Variants in TBCK observed in about 807,000 individuals in gnomAD.
TBCK encodes the protein TBC1 domain containing kinase.
In TBCK, 99 loss-of-function variants were observed where a neutral mutation model predicts 113.4. The observed-to-expected ratio is 0.87, with a 90% confidence interval of 0.74 to 1.03. The LOEUF (loss-of-function observed/expected upper bound fraction) is 1.03. Among genes scored for constraint, TBCK ranks in the 50% least tolerant of loss-of-function variants. The pLI is 0.00. For synonymous variants in TBCK, 369 were observed against 370.8 expected (o/e 1.00, Z 0.05); for missense variants, 1,045 against 1,061.3 (o/e 0.98, Z 0.21).
intron 3 of TBCK, among the ~76,000 whole-genome samples, chr4:106,274,154 A>G (rs1763780158): frequency 6.6e-6 from 1 of 152,236 alleles, no homozygotes; most frequent in African/African-American, 2.4e-5. Flanking sequence ...ACAGTGAGAT[A>G]CTACTTCATA....
rs1759337270 is a variant in TBCK, at chr4:106,235,368, C to T, written c.1351-1G>A. 1 of 1,586,774 alleles carries T rather than the reference C, an allele frequency of 6.3e-7. No individual in the cohort carries two copies. The highest frequency in any genetic ancestry group is 8.6e-7 in the Non-Finnish European group (1 of 1,164,556). ...TTTGGTTTTTTTTATATGGATAAGC[C>T]TATGATATCAAAAAAGAAATGAAAA... On this transcript the variant is annotated splice_acceptor_variant, in intron 14 of 25. Transcript: ENST00000394708. LOFTEE classifies it high-confidence loss of function.
At chr4:106,249,868 A>C (rs969208192) in intron 7 of TBCK, among the ~76,000 whole-genome samples, 2 of 152,102 alleles carry the variant, frequency 1.3e-5, no homozygotes, top group African/African-American at 4.8e-5. Flanking sequence ...CTTTTGCATA[A>C]AGTGTTCTAT....
intron 22 of TBCK, among the ~76,000 whole-genome samples, chr4:106,188,094 G>A (rs1002864148): frequency 1.3e-5 from 2 of 152,138 alleles, no homozygotes; most frequent in African/African-American, 2.4e-5. Context: ...TGTGGAATAG[G>A]AGTGGTGAGA....
At chr4:106,115,413 A>T (rs946142335) in intron 24 of TBCK, among the ~76,000 whole-genome samples, 4 of 152,220 alleles carry the variant, frequency 2.6e-5, no homozygotes, top group African/African-American at 9.6e-5. Context: ...CAATTTTAGC[A>T]TATAAGAAAC....
chr4:106,249,695 G>A (rs1232303941), intron 7 of TBCK, among the ~76,000 whole-genome samples: 1 of 152,108 alleles, frequency 6.6e-6, no homozygotes, highest in Non-Finnish European at 1.5e-5. Flanking sequence ...AATCTCCAAG[G>A]CTTCTTAATA....
At chr4:106,292,645 T>A (rs910146226) in intron 3 of TBCK, among the ~76,000 whole-genome samples, 8 of 151,752 alleles carry the variant, frequency 5.3e-5, no homozygotes, top group Non-Finnish European at 8.8e-5. Context: ...ACACAGAGCA[T>A]ACACGTCTTC....
At chr4:106,146,988 C>T (rs1434284981) in intron 23 of TBCK, among the ~76,000 whole-genome samples, 2 of 152,158 alleles carry the variant, frequency 1.3e-5, no homozygotes, top group African/African-American at 4.8e-5. Context: ...GAGTAGATTC[C>T]ATTCTAAGAA....
At chr4:106,158,793 T>A (rs1749411448) in intron 23 of TBCK, among the ~76,000 whole-genome samples, 1 of 152,292 alleles carries the variant, frequency 6.6e-6, no homozygotes, top group East Asian at 1.9e-4. Context: ...TAACTCATTG[T>A]GTAAGCCCAG....
intron 23 of TBCK, among the ~76,000 whole-genome samples, chr4:106,147,559 A>G (rs983076813): frequency 7.9e-5 from 12 of 152,274 alleles, no homozygotes; most frequent in African/African-American, 2.9e-4. Flanking sequence ...CTTTACTGCA[A>G]TCTCTAAACA....
intron 20 of TBCK, among the ~76,000 whole-genome samples, chr4:106,195,687 A>G (rs1297711837): frequency 6.6e-6 from 1 of 151,958 alleles, no homozygotes; most frequent in Non-Finnish European, 1.5e-5. Context: ...GGAACATTTC[A>G]TCTAATCTTC....
intron 19 of TBCK, among the ~76,000 whole-genome samples, chr4:106,217,210 A>T (rs1437665614): frequency 3.3e-5 from 5 of 152,164 alleles, no homozygotes; most frequent in African/African-American, 1.2e-4. Flanking sequence ...TATTGATGGG[A>T]CATACTTCAA....
At chr4:106,132,711 A>C (rs1005181859) in intron 23 of TBCK, among the ~76,000 whole-genome samples, 5 of 152,226 alleles carry the variant, frequency 3.3e-5, no homozygotes, top group Non-Finnish European at 7.3e-5. Flanking sequence ...TGTACCCTAC[A>C]ATGCCAGAGG....
rs141446571 is a variant in TBCK at position 106,222,478 on chromosome 4, C to T, written c.1774+7885G>A. 9.2e-4 allele frequency among the ~76,000 whole-genome samples: 140 copies of T among 152,164 alleles called. 1 individual carries two copies. Among genetic ancestry groups the T allele is most frequent in the Admixed American group, 8.6e-3 (131 of 15,276 alleles). On this transcript the variant is annotated intron_variant, in intron 19 of 25. Transcript: ENST00000394708. ...CCTACATATAGGTATCCTTATTTTT[C>T]CCTTCCGAAAAGTTTTTCAGCTTTG...
chr4:106,086,129 C>G (rs1252830789), intron 25 of TBCK, among the ~76,000 whole-genome samples: 1 of 147,914 alleles, frequency 6.8e-6, no homozygotes, highest in Non-Finnish European at 1.5e-5. Context: ...ATGAAAAACC[C>G]TCCAAAAAAA....
intron 25 of TBCK, among the ~76,000 whole-genome samples, chr4:106,056,126 T>A (rs1486605646): frequency 2.0e-5 from 3 of 151,360 alleles, no homozygotes; most frequent in African/African-American, 7.3e-5. Flanking sequence ...TGATGTACCA[T>A]TAGCACTTCA....
At chr4:106,176,252 T>C (rs1318725676) in intron 22 of TBCK, among the ~76,000 whole-genome samples, 1 of 152,112 alleles carries the variant, frequency 6.6e-6, no homozygotes, top group South Asian at 2.1e-4. Context: ...GTGCTGTCTA[T>C]TGAACAACAG....
At position 106,235,251 on chromosome 4, in the gene TBCK, C is replaced by T; in HGVS notation, c.1449+18G>A. ...TTTGCATAATTAATCAGCTTCTAACCTTTTCTTTTTTCCTTACCTCAACTC... is the reference window on the plus strand; with the variant it reads ...TTTGCATAATTAATCAGCTTCTAACTTTTTCTTTTTTCCTTACCTCAACTC... On this transcript the variant is annotated intron_variant, in intron 15 of 25. Coordinates refer to ENST00000394708, the MANE Select transcript of TBCK (RefSeq NM_001163435.3). The T allele has an allele frequency of 6.4e-7, 1 of 1,552,406 alleles. No homozygotes were observed. The highest frequency in any genetic ancestry group is 8.8e-7 in the Non-Finnish European group (1 of 1,140,512).
At chr4:106,145,374 A>G (rs1038726627) in intron 23 of TBCK, among the ~76,000 whole-genome samples, 3 of 152,200 alleles carry the variant, frequency 2.0e-5, no homozygotes, top group Non-Finnish European at 2.9e-5. Flanking sequence ...TTAAGTTTTC[A>G]GGAGAAAGAA....
At chr4:106,239,962 A>G (rs990756035) in intron 12 of TBCK, among the ~76,000 whole-genome samples, 6 of 152,090 alleles carry the variant, frequency 3.9e-5, no homozygotes, top group Non-Finnish European at 7.4e-5. Context: ...AAATAGAAAC[A>G]GAAATGCAAA....
Sources: allele counts gnomAD v4.1 joint callset (sites outside exome capture counted in the v4.1 genomes callset), GRCh38; gene constraint gnomAD v4.1.1; transcripts MANE v1.5; gene names NCBI Gene and HGNC (gene_info 2026-07-23, HGNC 2026-07-21).